TRPM3: variants seen among roughly 807,000 people sequenced by gnomAD.
The protein encoded by TRPM3 is transient receptor potential cation channel subfamily M member 3.
In TRPM3, 77 loss-of-function variants were observed where a neutral mutation model predicts 181.2. That is an observed-to-expected ratio of 0.42 (90% CI 0.35 to 0.51). TRPM3 has a LOEUF of 0.51. Ranked by LOEUF, TRPM3 falls within the 20% of genes least tolerant of loss-of-function variation. The pLI is 0.01. For synonymous variants in TRPM3, 745 were observed against 796.4 expected (o/e 0.94, Z 1.09); for missense variants, 1,759 against 2,196.7 (o/e 0.80, Z 3.98).
intron 1 of TRPM3, among the ~76,000 whole-genome samples, chr9:71,361,543 T>A (rs1313288184): frequency 6.6e-6 from 1 of 152,194 alleles, no homozygotes; most frequent in Non-Finnish European, 1.5e-5. Flanking sequence ...ACAGGAGTTT[T>A]ACATATGAAG....
At chr9:71,066,398 G>A (rs2061928147) in intron 1 of TRPM3, among the ~76,000 whole-genome samples, 1 of 152,128 alleles carries the variant, frequency 6.6e-6, no homozygotes, top group African/African-American at 2.4e-5. Flanking sequence ...AATGGATTCT[G>A]TGCAGACTTT....
upstream of TRPM3, among the ~76,000 whole-genome samples, chr9:71,126,449 G>C (rs1037332266): frequency 6.6e-6 from 1 of 151,980 alleles, no homozygotes; most frequent in African/African-American, 2.4e-5. Flanking sequence ...TACTCCAATA[G>C]AGCTATAACA....
intron 8 of TRPM3, among the ~76,000 whole-genome samples, chr9:70,741,109 G>T (rs1432361518): frequency 6.6e-6 from 1 of 151,878 alleles, no homozygotes; most frequent in African/African-American, 2.4e-5. Context: ...AAACAAATCA[G>T]CAAGGAAAAA....
chr9:70,574,874 C>T (rs2053487354), intron 22 of TRPM3, among the ~76,000 whole-genome samples: 1 of 151,800 alleles, frequency 6.6e-6, no homozygotes, highest in Non-Finnish European at 1.5e-5. Flanking sequence ...GAGAGGCATG[C>T]TATTTGAGAC....
At chr9:71,294,543 T>C (rs1377447182) in intron 1 of TRPM3, among the ~76,000 whole-genome samples, 12 of 152,114 alleles carry the variant, frequency 7.9e-5, no homozygotes, top group Admixed American at 7.9e-4. Flanking sequence ...TAATTTGATA[T>C]AATCACTTTG....
At chr9:71,238,610 G>A (rs1020035977) in intron 1 of TRPM3, among the ~76,000 whole-genome samples, 21 of 152,188 alleles carry the variant, frequency 1.4e-4, no homozygotes, top group African/African-American at 4.8e-4. Flanking sequence ...TATAAAATTT[G>A]ATGTGATGCA....
At chr9:70,927,873 G>A (rs1483042395) in intron 1 of TRPM3, among the ~76,000 whole-genome samples, 1 of 152,132 alleles carries the variant, frequency 6.6e-6, no homozygotes. Context: ...CTCCAATGCA[G>A]CTTTCTTACT....
intron 1 of TRPM3, among the ~76,000 whole-genome samples, chr9:71,416,946 G>C (rs1035039841): frequency 1.3e-5 from 2 of 151,712 alleles, no homozygotes; most frequent in African/African-American, 2.4e-5. Context: ...TTCTGTGTCT[G>C]GTTTCTTTAC....
intron 9 of TRPM3, among the ~76,000 whole-genome samples, chr9:70,662,183 T>G (rs1252206143): frequency 6.6e-6 from 1 of 152,162 alleles, no homozygotes; most frequent in African/African-American, 2.4e-5. Flanking sequence ...AAGGACACCC[T>G]ATTCAATAAA....
At chr9:71,345,760 T>A (rs548159309) in intron 1 of TRPM3, among the ~76,000 whole-genome samples, 1 of 152,274 alleles carries the variant, frequency 6.6e-6, no homozygotes, top group South Asian at 2.1e-4. Context: ...AAAAGATGTG[T>A]ACAGTTATAT....
intron 1 of TRPM3, among the ~76,000 whole-genome samples, chr9:71,199,473 G>A (rs2078631055): frequency 6.6e-6 from 1 of 152,000 alleles, no homozygotes; most frequent in Non-Finnish European, 1.5e-5. Context: ...TGTACCTCTG[G>A]TAGAATTCGG....
At chr9:70,696,461 C>T (rs1450142344) in intron 8 of TRPM3, among the ~76,000 whole-genome samples, 2 of 152,220 alleles carry the variant, frequency 1.3e-5, no homozygotes, top group African/African-American at 4.8e-5. Flanking sequence ...TTAGGACTCA[C>T]TTTGCTTGTA....
intron 1 of TRPM3, among the ~76,000 whole-genome samples, chr9:71,341,669 TAAAA>T (rs55885675): frequency 2.0e-5 from 3 of 150,506 alleles, no homozygotes; most frequent in Non-Finnish European, 4.4e-5. Context: ...AAGAAACTAG[TAAAA>T]AAAAAAAAAG....
chr9:71,123,265 C>T (rs2073833551), upstream of TRPM3, among the ~76,000 whole-genome samples: 1 of 152,168 alleles, frequency 6.6e-6, no homozygotes, highest in Non-Finnish European at 1.5e-5. Flanking sequence ...CTCAGCATTT[C>T]TTTCAGATTA....
chr9:70,887,540 T>G (rs937479950), intron 1 of TRPM3, among the ~76,000 whole-genome samples: 1 of 152,200 alleles, frequency 6.6e-6, no homozygotes. Context: ...TGATGCCTTT[T>G]TATGTAGTAC....
intron 1 of TRPM3, among the ~76,000 whole-genome samples, chr9:71,147,398 A>T (rs897048065): frequency 2.1e-5 from 3 of 145,402 alleles, no homozygotes; most frequent in African/African-American, 7.6e-5. Flanking sequence ...ACCACTGAAC[A>T]TCTGCCCTCT....
At chr9:70,943,763 T>C (rs934972000) in intron 1 of TRPM3, among the ~76,000 whole-genome samples, 7 of 152,216 alleles carry the variant, frequency 4.6e-5, no homozygotes, top group Non-Finnish European at 2.9e-5. Context: ...TTAGTCATTA[T>C]GATTTCTTTC....
At chr9:71,137,300 C>T (rs905248055) in intron 1 of TRPM3, among the ~76,000 whole-genome samples, 6 of 152,084 alleles carry the variant, frequency 3.9e-5, no homozygotes, top group African/African-American at 1.2e-4. Context: ...GGCAAAAATG[C>T]ATTATTTTTT....
intron 9 of TRPM3, among the ~76,000 whole-genome samples, chr9:70,653,019 G>A (rs542292643): frequency 2.6e-5 from 4 of 152,176 alleles, no homozygotes; most frequent in Admixed American, 6.5e-5. Context: ...TGAGGGCCTT[G>A]AATGTGCTTA....
Sources: gnomAD v4.1 joint callset for allele counts (sites outside exome capture counted in the v4.1 genomes callset) on GRCh38, gnomAD v4.1.1 for gene constraint, MANE v1.5 for transcripts, NCBI Gene and HGNC (gene_info 2026-07-23, HGNC 2026-07-21) for gene names.